The following ASTN1 variants were observed in gnomAD, a reference collection of about 807,000 sequenced individuals.
The protein encoded by ASTN1 is astrotactin 1, also known as astrotactin-1.
ASTN1 carries 41 observed loss-of-function variants against 140.7 expected under a neutral mutation model. The observed-to-expected ratio is 0.29, with a 90% CI of 0.23 to 0.38. The LOEUF is 0.38. Ranked by LOEUF, ASTN1 falls within the 10% of genes least tolerant of loss-of-function variation. The pLI is 1.00. For missense variants in ASTN1, 1,479 were observed against 1,678.8 expected, an observed-to-expected ratio of 0.88 and a Z score of 2.08; for synonymous variants, 640 against 652.2, an observed-to-expected ratio of 0.98 and a Z score of 0.29.
At chr1:176,986,335 A>T (rs755935117) in intron 8 of ASTN1, among the ~76,000 whole-genome samples, 8 of 152,218 alleles carry the variant, frequency 5.3e-5, no homozygotes, top group Non-Finnish European at 1.5e-5. Context: ...ATCAAGAGAA[A>T]AGCAACCATC....
In ASTN1 at chr1:177,012,148, T is replaced by C. The variant is rs1317842835; in HGVS notation, c.1523+2643A>G. Among the ~76,000 whole-genome samples the C allele has an allele frequency of 2.0e-5, 3 of 152,200 alleles. No individual in the cohort carries two copies. In the South Asian group the frequency reaches 6.2e-4, roughly 31 times the overall value. Reference sequence around the variant, plus strand: ...TTGATTTTTCCATAATACCCCAATATGTATCATTAGTTGGCAATCTGTCAG... The same window carrying C: ...TTGATTTTTCCATAATACCCCAATACGTATCATTAGTTGGCAATCTGTCAG... On this transcript the variant is annotated intron_variant, in intron 8 of 22. Transcript: ENST00000361833.
intron 1 of ASTN1, among the ~76,000 whole-genome samples, chr1:177,113,140 T>C (rs1359183233): frequency 2.0e-5 from 3 of 152,152 alleles, no homozygotes; most frequent in African/African-American, 7.2e-5. Context: ...CTGCCTCTCA[T>C]GAACTCACAT....
At chr1:176,948,844 CACTT>C (rs1213560249) in intron 12 of ASTN1, among the ~76,000 whole-genome samples, 1 of 152,198 alleles carries the variant, frequency 6.6e-6, no homozygotes, top group African/African-American at 2.4e-5. Context: ...TGTCACAAAA[CACTT>C]AATTAACATA....
At chr1:177,142,896 A>G (rs1391687145) in intron 1 of ASTN1, among the ~76,000 whole-genome samples, 1 of 140,916 alleles carries the variant, frequency 7.1e-6, no homozygotes. Context: ...AAGGAGGAAA[A>G]AAAAAAAGGG....
intron 5 of ASTN1, among the ~76,000 whole-genome samples, chr1:177,025,529 T>C (rs572286907): frequency 1.3e-5 from 2 of 152,180 alleles, no homozygotes. Flanking sequence ...GGGAGCCTTA[T>C]GCTTATGGAA....
chr1:176,927,693 A>G (rs1671029657), intron 16 of ASTN1, among the ~76,000 whole-genome samples: 1 of 152,208 alleles, frequency 6.6e-6, no homozygotes, highest in African/African-American at 2.4e-5. Flanking sequence ...AGACTCAAAG[A>G]TTAACAAGAC....
At chr1:176,982,577 A>G (rs548308944) in intron 8 of ASTN1, among the ~76,000 whole-genome samples, 1 of 152,216 alleles carries the variant, frequency 6.6e-6, no homozygotes, top group African/African-American at 2.4e-5. Context: ...CTGATCTAAC[A>G]AGTTCTCCGG....
At chr1:177,058,901 T>C (rs769976334) in intron 2 of ASTN1, among the ~76,000 whole-genome samples, 2 of 151,648 alleles carry the variant, frequency 1.3e-5, no homozygotes, top group African/African-American at 2.4e-5. Context: ...GGATAGATGG[T>C]AGGGTGCTTC....
At chr1:176,900,946 C>G (rs1669742032) in intron 16 of ASTN1, among the ~76,000 whole-genome samples, 1 of 152,152 alleles carries the variant, frequency 6.6e-6, no homozygotes, top group Non-Finnish European at 1.5e-5. Context: ...CTAATGTATT[C>G]AACAATTCAT....
At chr1:176,965,347 T>C (rs1251742765) in intron 8 of ASTN1, 110 bp from the exon 9 acceptor site, 6 of 1,031,774 alleles carry the variant, frequency 5.8e-6, no homozygotes, top group Non-Finnish European at 8.8e-6. Context: ...ATCCAGGGCA[T>C]AGCCTCTGCC....
intron 11 of ASTN1, among the ~76,000 whole-genome samples, chr1:176,949,919 G>A (rs965033056): frequency 5.9e-5 from 9 of 152,186 alleles, no homozygotes; most frequent in African/African-American, 1.9e-4. Flanking sequence ...GAGTAGCTGT[G>A]TCATCACCTC....
At chr1:177,141,335 G>A (rs1280598279) in intron 1 of ASTN1, among the ~76,000 whole-genome samples, 1 of 152,118 alleles carries the variant, frequency 6.6e-6, no homozygotes, top group African/African-American at 2.4e-5. Context: ...GAATGATGGG[G>A]GCTTGGGGAA....
intron 1 of ASTN1, among the ~76,000 whole-genome samples, chr1:177,082,352 G>A (rs923375463): frequency 2.6e-5 from 4 of 152,266 alleles, no homozygotes; most frequent in African/African-American, 9.6e-5. Flanking sequence ...TGGGCTCCAT[G>A]CTTTCTTAGG....
intron 16 of ASTN1, among the ~76,000 whole-genome samples, chr1:176,910,793 A>T (rs1670203146): frequency 1.3e-5 from 2 of 152,198 alleles, no homozygotes. Context: ...GCGGTGGGTG[A>T]GAGAGCATGA....
At chr1:177,140,253 G>T (rs1682401615) in intron 1 of ASTN1, among the ~76,000 whole-genome samples, 1 of 152,144 alleles carries the variant, frequency 6.6e-6, no homozygotes, top group South Asian at 2.1e-4. Context: ...TGGTTGAAAA[G>T]ACATTATAAT....
chr1:176,887,781 A>G lies in ASTN1; in HGVS notation c.3074+290T>C, dbSNP rs145594962. ...TGCTGTCCTACTTTCTCCACCTTCA[A>G]GGAGAAGTTCAAGCGCCACCTCCTC... On this transcript the variant is annotated intron_variant, in intron 18 of 22. Transcript: ENST00000361833. 2.1e-3 allele frequency among the ~76,000 whole-genome samples: 324 copies of G among 151,964 alleles called. 2 individuals carry two copies. The highest frequency in any genetic ancestry group is 7.7e-3 in the African/African-American group (320 of 41,420).
intron 1 of ASTN1, among the ~76,000 whole-genome samples, chr1:177,145,590 G>A (rs1164344428): frequency 6.6e-6 from 1 of 152,112 alleles, no homozygotes; most frequent in Non-Finnish European, 1.5e-5. Flanking sequence ...TAGGACCCAC[G>A]GGACTCTCAT....
At chr1:176,926,649 A>G (rs1432269121) in intron 16 of ASTN1, among the ~76,000 whole-genome samples, 1 of 152,216 alleles carries the variant, frequency 6.6e-6, no homozygotes, top group Admixed American at 6.5e-5. Context: ...AGAGAAAATA[A>G]CTGTATGCCA....
chr1:177,132,021 T>C (rs1681967718), intron 1 of ASTN1, among the ~76,000 whole-genome samples: 1 of 152,174 alleles, frequency 6.6e-6, no homozygotes. Context: ...CATTGCCACA[T>C]TCAGGATCAA....
Sources: allele counts gnomAD v4.1 joint callset (sites outside exome capture counted in the v4.1 genomes callset), GRCh38; gene constraint gnomAD v4.1.1; transcripts MANE v1.5; gene names NCBI Gene and HGNC (gene_info 2026-07-23, HGNC 2026-07-21).